Variants in THAP5 observed in about 807,000 individuals in gnomAD.
The protein encoded by THAP5 is THAP domain containing 5.
Under a neutral mutation model 34.0 loss-of-function variants are expected in THAP5, and 26 were observed. The ratio of observed to expected loss-of-function variants is 0.77; its 90% CI spans 0.56 to 1.06. The LOEUF (loss-of-function observed/expected upper bound fraction) is 1.06, where lower values mean the gene tolerates loss of function less well. THAP5 is among the 50% of genes least tolerant of loss of function. THAP5 has a pLI of 0.00. For missense variants in THAP5, 394 were observed against 452.8 expected (o/e 0.87, Z 1.18); for synonymous variants, 125 against 153.0 (o/e 0.82, Z 1.35).
the THAP5 span, among the ~76,000 whole-genome samples, chr7:108,549,065 T>C: frequency 1.3e-5 from 2 of 151,630 alleles, no homozygotes; most frequent in East Asian, 3.9e-4. Flanking sequence ...TATTTACCTA[T>C]ATTTCTCAAA....
At chr7:108,556,757 A>C (rs1202585403) in intron 1 of THAP5, among the ~76,000 whole-genome samples, 2 of 152,174 alleles carry the variant, frequency 1.3e-5, no homozygotes, top group African/African-American at 4.8e-5. Context: ...GGTCTAGAGG[A>C]CAGTGGCCCT....
rs1246672406 is a variant in THAP5, at chr7:108,563,904, T to G, written c.*287A>C. ...ATTCCTGAACCTGACTTCTAGTCTGTGCTCTTTGAACACTTCTTTGTTTTC... is the reference window on the plus strand; with the variant it reads ...ATTCCTGAACCTGACTTCTAGTCTGGGCTCTTTGAACACTTCTTTGTTTTC... On this transcript the variant is annotated 3_prime_UTR_variant, in exon 3 of 3. Coordinates refer to ENST00000415914, the MANE Select transcript of THAP5 (RefSeq NM_001130475.3). 4.9e-5 allele frequency: 11 copies of G among 223,952 alleles called. No individual in the cohort carries two copies. The highest frequency in any genetic ancestry group is 9.7e-5 in the Non-Finnish European group (11 of 113,600). 13.9% of individuals were successfully genotyped at this position (223,952 alleles called of 1,614,324 possible). A position where few individuals can be genotyped will look rare whatever the true frequency, so the allele number is the denominator to read the frequency against.
chr7:108,569,492 A>G lies in THAP5; in HGVS notation c.78T>C (p.Tyr26=). ...RNNKDRKLSF[Y]PFPLHDKERL... is the part of the protein sequence containing the mutation. ...CTTCTGCTCCAGAAACAACTTACGG[A>G]TAAAAACTCAGCTTCCGGTCTTTAT... The change falls in exon 1 of 3, where the codon TAT becomes TAC. Residue 26 remains tyrosine, a splice_region_variant and synonymous_variant. Coordinates refer to ENST00000415914, the MANE Select transcript of THAP5 (RefSeq NM_001130475.3). 1 of 1,551,750 alleles carries G rather than the reference A, an allele frequency of 6.4e-7. No homozygotes were observed. The highest frequency in any genetic ancestry group is 8.7e-7 in the Non-Finnish European group (1 of 1,146,998).
At position 108,563,526 on chromosome 7, in the gene THAP5, A is replaced by T. The variant is rs1599010365; in HGVS notation, c.*665T>A. On this transcript the variant is annotated 3_prime_UTR_variant, in exon 3 of 3. Coordinates refer to ENST00000415914, the MANE Select transcript of THAP5 (RefSeq NM_001130475.3). ...GCACTCCAGCCTGGGTTACAGAGTG[A>T]GACTCCATCTCAAAAAAAAAAAAAA... 1 of 124,398 alleles carries T rather than the reference A, an allele frequency of 8.0e-6. No individual in the cohort carries two copies. Among genetic ancestry groups the T allele is most frequent in the African/African-American group, 3.2e-5 (1 of 31,516 alleles). 7.7% of individuals were successfully genotyped at this position (124,398 alleles called of 1,614,324 possible).
downstream of THAP5, among the ~76,000 whole-genome samples, chr7:108,561,407 G>GCA (rs1864429345): frequency 6.7e-6 from 1 of 149,202 alleles, no homozygotes; most frequent in Admixed American, 6.6e-5. Flanking sequence ...GGGAATACAG[G>GCA]CACGCACCAC....
chr7:108,562,513 T>C lies in THAP5; in HGVS notation c.*1678A>G, dbSNP rs1790369886. ...TAATCATCATGCATTTACAAAACAA[T>C]ATTATTTGCCAGTCAGAGTCAACTT... is the stretch of plus-strand genomic sequence containing the variant. On this transcript the variant is annotated 3_prime_UTR_variant, in exon 3 of 3. Transcript: ENST00000415914. 6.6e-6 allele frequency: 1 copy of C among 152,198 alleles called. No homozygotes were observed. Among genetic ancestry groups the C allele is most frequent in the South Asian group, 2.1e-4 (1 of 4,832 alleles). The allele number at this position is 152,198 out of a possible 1,614,324, so 9.4% of individuals were successfully genotyped here. A position where few individuals can be genotyped will look rare whatever the true frequency, so the allele number is the denominator to read the frequency against.
downstream of THAP5, among the ~76,000 whole-genome samples, chr7:108,557,970 G>C (rs188627200): frequency 3.5e-4 from 53 of 152,310 alleles, no homozygotes; most frequent in African/African-American, 1.3e-3. Context: ...TACAATAATG[G>C]TGGAAAGGCA....
chr7:108,569,127 T>C lies in THAP5; in HGVS notation c.80+363A>G, dbSNP rs1456570442. The C allele has an allele frequency of 1.8e-5, 19 of 1,078,218 alleles. No homozygotes were observed. The South Asian group carries it at 2.2e-4, about 13-fold the overall frequency. 66.8% of individuals were successfully genotyped at this position (1,078,218 alleles called of 1,614,324 possible). On this transcript the variant is annotated intron_variant, in intron 1 of 2. Transcript: ENST00000415914. ...GCGGGGGGTGTAAATTAACTTTGCG[T>C]GCACCTTTCCACTTCGCAGGTTTCA...
chr7:108,555,981 G>A (rs1024679380), intron 1 of THAP5, among the ~76,000 whole-genome samples: 8 of 152,290 alleles, frequency 5.3e-5, no homozygotes, highest in Non-Finnish European at 2.9e-5. Flanking sequence ...GGGATTACAG[G>A]CATGGGCCAC....
downstream of THAP5, among the ~76,000 whole-genome samples, chr7:108,551,008 A>G (rs1864349976): frequency 6.6e-6 from 1 of 152,124 alleles, no homozygotes; most frequent in Non-Finnish European, 1.5e-5. Context: ...CTTTTCATTT[A>G]TAACATTTTA....
chr7:108,548,345 T>G, the THAP5 span, among the ~76,000 whole-genome samples: 1 of 152,048 alleles, frequency 6.6e-6, no homozygotes, highest in Non-Finnish European at 1.5e-5. Flanking sequence ...ACAATGAAGC[T>G]AAAAAGCTCA....
At chr7:108,567,559 G>T (rs572611983) in intron 1 of THAP5, among the ~76,000 whole-genome samples, 37 of 151,994 alleles carry the variant, frequency 2.4e-4, no homozygotes, top group African/African-American at 8.7e-4. Flanking sequence ...TCTTGATCAT[G>T]TTTCCTGAAT....
chr7:108,559,236 T>C (rs1361323206), downstream of THAP5, among the ~76,000 whole-genome samples: 1 of 152,196 alleles, frequency 6.6e-6, no homozygotes, highest in Admixed American at 6.5e-5. Flanking sequence ...GCCCTTGACA[T>C]AGGGTATGGG....
At chr7:108,569,158 C>T in intron 1 of THAP5, 2 of 1,157,276 alleles carry the variant, frequency 1.7e-6, no homozygotes, top group Non-Finnish European at 2.1e-6. Flanking sequence ...TTTCACGTAT[C>T]TTAAATGGTG....
At chr7:108,566,265 A>C (rs981084678) in intron 1 of THAP5, among the ~76,000 whole-genome samples, 3 of 152,196 alleles carry the variant, frequency 2.0e-5, no homozygotes, top group African/African-American at 7.2e-5. Flanking sequence ...AGCTGAACAT[A>C]ATTCAGAGTC....
chr7:108,542,572 C>T, the THAP5 span, among the ~76,000 whole-genome samples: 3 of 152,070 alleles, frequency 2.0e-5, no homozygotes, highest in Non-Finnish European at 2.9e-5. Flanking sequence ...AAGCGATTCT[C>T]CTGCCTCAGC....
downstream of THAP5, among the ~76,000 whole-genome samples, chr7:108,551,263 C>T (rs1299752764): frequency 6.6e-6 from 1 of 152,122 alleles, no homozygotes; most frequent in Non-Finnish European, 1.5e-5. Flanking sequence ...ACTTCATGCC[C>T]AGTGCAACAG....
Position 108,556,303 on chromosome 7 carries a change from G to A in THAP5, n.109-1444C>T, listed in dbSNP as rs182312612. 2.2e-4 allele frequency among the ~76,000 whole-genome samples: 34 copies of A among 152,188 alleles called. No homozygotes were observed. In the East Asian group the frequency reaches 4.4e-3, roughly 20 times the overall value. On this transcript the variant is annotated intron_variant and non_coding_transcript_variant, in intron 1 of 1. Coordinates refer to the THAP5 transcript ENST00000468884. ...GCCTTCCCAACAGTTCCCCTAAGTC[G>A]TAACTCATTCCAGCATTAACTCAAA...
chr7:108,556,134 C>T (rs1864384347), intron 1 of THAP5, among the ~76,000 whole-genome samples: 1 of 152,132 alleles, frequency 6.6e-6, no homozygotes, highest in African/African-American at 2.4e-5. Context: ...ATGATTCAAT[C>T]ACCTCCCACC....
Sources: gnomAD v4.1 joint callset for allele counts (sites outside exome capture counted in the v4.1 genomes callset) on GRCh38, gnomAD v4.1.1 for gene constraint, MANE v1.5 for transcripts, NCBI Gene and HGNC (gene_info 2026-07-23, HGNC 2026-07-21) for gene names.